Variants in KLHL33 observed in about 807,000 individuals in gnomAD.
KLHL33 encodes kelch-like protein 33.
KLHL33 carries 46 observed loss-of-function variants against 60.8 expected under a neutral mutation model. The ratio of observed to expected loss-of-function variants is 0.76; its 90% CI spans 0.60 to 0.97. The LOEUF is 0.97. KLHL33 is among the 50% of genes least tolerant of loss of function. The pLI is 0.00. For synonymous variants in KLHL33, 434 were observed against 432.2 expected, an observed-to-expected ratio of 1.00 and a Z score of -0.05; for missense variants, 1,055 against 1,000.0, an observed-to-expected ratio of 1.05 and a Z score of -0.74.
rs1406490025 is a variant in KLHL33 at position 20,426,428 on chromosome 14, G to A, written c.*2421C>T. 1.3e-5 allele frequency: 2 copies of A among 149,466 alleles called. No individual in the cohort carries two copies. Among genetic ancestry groups the A allele is most frequent in the African/African-American group, 4.9e-5 (2 of 40,562 alleles). The allele number at this position is 149,466 out of a possible 1,614,324, so 9.3% of individuals were successfully genotyped here. A position where few individuals can be genotyped will look rare whatever the true frequency, so the allele number is the denominator to read the frequency against. ...GAGAATCACTTGAACTCAGGAGGAA[G>A]AGTTTGCGGTGAGCTGAGATCACGC... On this transcript the variant is annotated 3_prime_UTR_variant, in exon 5 of 5. Coordinates refer to ENST00000636854, the MANE Select transcript of KLHL33 (RefSeq NM_001365790.2).
chr14:20,430,809 A>ACTCTAAGTTTGGCCAAC, intron 2 of KLHL33, 90 bp from the exon 3 acceptor site: 1 of 990,350 alleles, frequency 1.0e-6, no homozygotes, highest in Non-Finnish European at 1.4e-6. Flanking sequence ...GTTTGGCCAA[A>ACTCTAAGTTTGGCCAAC]CTCTAAGTTT....
At position 20,429,409 on chromosome 14, in the gene KLHL33, A is replaced by C; in HGVS notation, c.1842-8T>G. 1 of 1,551,244 alleles carries C rather than the reference A, an allele frequency of 6.4e-7. No individual in the cohort carries two copies. The highest frequency in any genetic ancestry group is 8.7e-7 in the Non-Finnish European group (1 of 1,146,544). On this transcript the variant is annotated splice_region_variant and splice_polypyrimidine_tract_variant and intron_variant, in intron 4 of 4. Transcript: ENST00000636854. ...GGAAGTGCAGGTGCTGGCCTAAGGG[A>C]GAACAGGACACAAGATAAGGCAACT...
chr14:20,429,024 C>T lies in KLHL33; in HGVS notation c.2219G>A (p.Arg740His), dbSNP rs188099735. The stretch of plus-strand genomic sequence containing the variant: ...GATAAGGTGAGAGAGGGCATAAGTA[C>T]GGTGACTGTAGCCCCCGAGCACCAG... ...ELLVLGGYSH[R>H]TYALSHLIHA... The change falls in exon 5 of 5, where the codon CGT becomes CAT. Residue 740 changes from arginine to histidine, a missense_variant. Coordinates refer to ENST00000636854, the MANE Select transcript of KLHL33 (RefSeq NM_001365790.2). 7.4e-4 allele frequency: 1,150 copies of T among 1,551,734 alleles called. 4 individuals are homozygous for T. The African/African-American group carries it at 9.1e-3, about 12-fold the overall frequency.
chr14:20,434,071 CT>C (rs1880605697), intron 2 of KLHL33, among the ~76,000 whole-genome samples: 1 of 152,138 alleles, frequency 6.6e-6, no homozygotes, highest in Non-Finnish European at 1.5e-5. Context: ...TTTAATGTTC[CT>C]TATGTGCACC....
At chr14:20,432,926 A>AAAAGAAAGAAGGAAAGAAAGAAAG (rs545614220) in intron 2 of KLHL33, among the ~76,000 whole-genome samples, 11 of 104,672 alleles carry the variant, frequency 1.1e-4, no homozygotes, top group Non-Finnish European at 1.5e-4. Flanking sequence ...CATCTCAAAA[A>AAAAGAAAGAAGGAAAGAAAGAAAG]AAAGAAAGAA....
intron 3 of KLHL33, 56 bp from the exon 4 acceptor site, chr14:20,429,725 T>G: frequency 6.5e-7 from 1 of 1,531,642 alleles, no homozygotes; most frequent in South Asian, 1.2e-5. Flanking sequence ...CGTGGTTGGC[T>G]AGGCCAGCAA....
chr14:20,430,003 G>C lies in KLHL33; in HGVS notation c.1465C>G (p.Leu489Val). 6.4e-7 allele frequency: 1 copy of C among 1,551,706 alleles called. No homozygotes were observed. ...GGDGLRPDMA[L>V]RQPSRAVWWA... ...CACACTGCTCGGGATGGTTGTCTTA[G>C]GGCCATGTCTGGTCTGAGCCCATCC... Residue 489 changes from leucine to valine, a missense_variant, in exon 3 of 5, where the codon CTA becomes GTA. Physicochemically the swap from Leu to Val is conservative, Grantham distance 32 (BLOSUM62 1). Coordinates refer to ENST00000636854, the MANE Select transcript of KLHL33 (RefSeq NM_001365790.2).
At position 20,435,178 on chromosome 14, in the gene KLHL33, T is replaced by C; in HGVS notation, c.634A>G (p.Lys212Glu). The change falls in exon 2 of 5, where the codon AAG (lysine) becomes GAG (glutamate). Residue 212 changes from lysine (K) to glutamate (E), a missense_variant. Physicochemically the swap from Lys to Glu is moderately conservative, Grantham distance 56 (BLOSUM62 1). Coordinates refer to ENST00000636854, the MANE Select transcript of KLHL33 (RefSeq NM_001365790.2). ...AGCTCCTCTGCCTGGCTGGGCTTCT[T>C]TACATCTTCCCTGGCATTTCCAGCC... The part of the protein sequence containing the change: ...ERAGNAREDV[K>E]KPSQAEELRE... 1.6e-6 allele frequency: 2 copies of C among 1,234,418 alleles called. No homozygotes were observed. Among genetic ancestry groups the C allele is most frequent in the East Asian group, 6.3e-5 (2 of 31,700 alleles). The allele number at this position is 1,234,418 out of a possible 1,614,324, so 76.5% of individuals were successfully genotyped here.
rs567506164 is a variant in KLHL33 at position 20,426,045 on chromosome 14, A to G, written c.*2804T>C. The G allele has an allele frequency of 1.3e-5, 2 of 152,308 alleles. No homozygotes were observed. Among genetic ancestry groups the G allele is most frequent in the South Asian group, 4.1e-4 (2 of 4,824 alleles). 9.4% of individuals were successfully genotyped at this position (152,308 alleles called of 1,614,324 possible). ...CAATTACATTCCTAGTCTATCTTAA[A>G]TAGAGATACAGAAAAAGATCTTACT... On this transcript the variant is annotated 3_prime_UTR_variant, in exon 5 of 5. Coordinates refer to ENST00000636854, the MANE Select transcript of KLHL33 (RefSeq NM_001365790.2).
intron 2 of KLHL33, among the ~76,000 whole-genome samples, chr14:20,432,926 AAAAGAAAGAAAGAAAG>A (rs59220485): frequency 1.0e-3 from 109 of 104,742 alleles, no homozygotes; most frequent in African/African-American, 3.7e-3. Context: ...CATCTCAAAA[AAAAGAAAGAAAGAAAG>A]AAAGAAAGAA....
chr14:20,432,991 A>AGG (rs1880570985), intron 2 of KLHL33, among the ~76,000 whole-genome samples: 1 of 152,084 alleles, frequency 6.6e-6, no homozygotes, highest in Non-Finnish European at 1.5e-5. Context: ...AGAAAGAGAG[A>AGG]AATTACTATT....
In KLHL33 at chr14:20,429,997, G is replaced by A. The variant is rs1880441660; in HGVS notation, c.1471C>T (p.Gln491Ter). ...DGLRPDMALR[Q>*]PSRAVWWARA... ...GCCCACCACACTGCTCGGGATGGTT[G>A]TCTTAGGGCCATGTCTGGTCTGAGC... The change falls in exon 3 of 5, where the codon CAA (glutamine) becomes TAA (stop). Residue 491 changes from glutamine (Q) to a stop codon, truncating the protein, a stop_gained. Transcript: ENST00000636854. LOFTEE classifies it high-confidence loss of function. 5 of 1,551,612 alleles carry A rather than the reference G, an allele frequency of 3.2e-6. No individual in the cohort carries two copies. The highest frequency in any genetic ancestry group is 3.9e-5 in the Admixed American group (2 of 50,984).
rs896139706 is a variant in KLHL33, at chr14:20,428,536, A to C, written c.*313T>G. On this transcript the variant is annotated 3_prime_UTR_variant, in exon 5 of 5. Coordinates refer to ENST00000636854, the MANE Select transcript of KLHL33 (RefSeq NM_001365790.2). Reference sequence around the variant, plus strand: ...CTCCCATGGTCTCTACACTTTGGCTACTGAAGCTTCTTAACTCTCTTTCAA... The same window carrying C: ...CTCCCATGGTCTCTACACTTTGGCTCCTGAAGCTTCTTAACTCTCTTTCAA... 3 of 309,702 alleles carry C rather than the reference A, an allele frequency of 9.7e-6. No homozygotes were observed. Among genetic ancestry groups the C allele is most frequent in the Non-Finnish European group, 1.8e-5 (3 of 165,622 alleles). The allele number at this position is 309,702 out of a possible 1,614,324, so 19.2% of individuals were successfully genotyped here. A position where few individuals can be genotyped will look rare whatever the true frequency, so the allele number is the denominator to read the frequency against.
chr14:20,435,695 G>A lies in KLHL33; in HGVS notation c.117C>T (p.Pro39=). 1.6e-6 allele frequency: 2 copies of A among 1,234,878 alleles called. No individual in the cohort carries two copies. Among genetic ancestry groups the A allele is most frequent in the Non-Finnish European group, 1.0e-6 (1 of 988,540 alleles). 76.5% of individuals were successfully genotyped at this position (1,234,878 alleles called of 1,614,324 possible). Reference sequence around the variant, plus strand: ...GCAATCTGGGATCCTCGTCGGGGGAGGGAGGCCAGGAAGGGGTTCTCTGGG... The same window carrying A: ...GCAATCTGGGATCCTCGTCGGGGGAAGGAGGCCAGGAAGGGGTTCTCTGGG... ...VHAQRTPSWP[P]SPDEDPRLPS... The change falls in exon 2 of 5, where the codon CCC becomes CCT. Residue 39 remains proline (P), a synonymous_variant. Coordinates refer to ENST00000636854, the MANE Select transcript of KLHL33 (RefSeq NM_001365790.2).
rs780416931 is a variant in KLHL33 at position 20,430,521 on chromosome 14, T to A, written c.947A>T (p.Gln316Leu). Residue 316 changes from glutamine (Q) to leucine (L), a missense_variant, in exon 3 of 5, where the codon CAG becomes CTG. By Grantham distance (113) the Gln-to-Leu change is moderately radical (BLOSUM62 -2). Coordinates refer to ENST00000636854, the MANE Select transcript of KLHL33 (RefSeq NM_001365790.2). ...ATCCAAGCAGGAAGAGCTCTGGTAC[T>A]GCAGAGCAGCCTGGGCAGCTCTCAG... ...GLLRAAQAAL[Q>L]YQSSSCLDLC... 1.4e-5 allele frequency: 22 copies of A among 1,546,774 alleles called. No individual in the cohort carries two copies. Among genetic ancestry groups the A allele is most frequent in the Non-Finnish European group, 1.8e-5 (21 of 1,146,998 alleles).
At chr14:20,432,141 G>A (rs1880527317) in intron 2 of KLHL33, among the ~76,000 whole-genome samples, 1 of 151,358 alleles carries the variant, frequency 6.6e-6, no homozygotes, top group Non-Finnish European at 1.5e-5. Context: ...TTGAGATAGG[G>A]TCTTACTCTG....
intron 2 of KLHL33, among the ~76,000 whole-genome samples, chr14:20,431,410 T>C (rs928345487): frequency 6.6e-6 from 1 of 152,210 alleles, no homozygotes; most frequent in Non-Finnish European, 1.5e-5. Context: ...TTCAAAATAA[T>C]CTAATTCAAT....
In KLHL33 at chr14:20,430,072, C is replaced by T. The variant is rs1305033913; in HGVS notation, c.1396G>A (p.Glu466Lys). The T allele has an allele frequency of 1.3e-6, 2 of 1,551,782 alleles. No individual in the cohort carries two copies. The highest frequency in any genetic ancestry group is 1.4e-5 in the African/African-American group (1 of 73,180). Reference protein sequence around the residue: ...LMVEADVPGQERRREPDRALV... With the variant: ...LMVEADVPGQKRRREPDRALV... ...GCCCGGTCAGGCTCCCTCCGTCTCT[C>T]TTGGCCTGGAACATCAGCCTCTACC... Residue 466 changes from glutamate to lysine, a missense_variant, in exon 3 of 5, where the codon GAG becomes AAG. Transcript: ENST00000636854.
intron 2 of KLHL33, among the ~76,000 whole-genome samples, chr14:20,433,619 C>T (rs1220469083): frequency 6.6e-6 from 1 of 152,228 alleles, no homozygotes. Context: ...TCACCTCTTA[C>T]TCATTACTAT....
Sources: gnomAD v4.1 joint callset for allele counts (sites outside exome capture counted in the v4.1 genomes callset) on GRCh38, gnomAD v4.1.1 for gene constraint, MANE v1.5 for transcripts, NCBI Gene and HGNC (gene_info 2026-07-23, HGNC 2026-07-21) for gene names.